Variants in FAM117B observed in about 807,000 individuals in gnomAD.
The protein encoded by FAM117B is family with sequence similarity 117 member B.
A neutral mutation model predicts 52.8 loss-of-function variants in FAM117B; 22 were observed. The observed-to-expected ratio is 0.42, with a 90% confidence interval of 0.30 to 0.59. FAM117B has a LOEUF of 0.59. FAM117B is among the 20% of genes least tolerant of loss of function. The pLI, the probability that FAM117B is intolerant of heterozygous loss-of-function variation, is 0.22. For missense variants in FAM117B, 678 were observed against 802.6 expected, an observed-to-expected ratio of 0.84 and a Z score of 1.88; for synonymous variants, 309 against 324.1, an observed-to-expected ratio of 0.95 and a Z score of 0.50.
intron 2 of FAM117B, among the ~76,000 whole-genome samples, chr2:202,711,700 C>T (rs937924386): frequency 6.6e-6 from 1 of 152,102 alleles, no homozygotes; most frequent in African/African-American, 2.4e-5. Context: ...AATCTTTAAT[C>T]CATTTTGATT....
chr2:202,635,816 G>A, intron 1 of FAM117B, 28 bp downstream of exon 1: 1 of 1,405,948 alleles, frequency 7.1e-7, no homozygotes, highest in South Asian at 1.4e-5. Context: ...CGCAGCAAGG[G>A]GGAGGCGGCT....
chr2:202,743,238 C>G (rs1691576871), intron 4 of FAM117B, among the ~76,000 whole-genome samples: 1 of 152,186 alleles, frequency 6.6e-6, no homozygotes, highest in Non-Finnish European at 1.5e-5. Flanking sequence ...CCACAGCCTT[C>G]ACTGACAACT....
chr2:202,747,467 CAGAA>C (rs1390518785), intron 4 of FAM117B, among the ~76,000 whole-genome samples: 1 of 151,888 alleles, frequency 6.6e-6, no homozygotes, highest in Non-Finnish European at 1.5e-5. Flanking sequence ...AACTGGAAGA[CAGAA>C]AGTCAAATTT....
Position 202,764,427 on chromosome 2 carries a change from A to AT in FAM117B, c.1452-1017dup, listed in dbSNP as rs1475739832. Among the ~76,000 whole-genome samples, 3 of 151,358 alleles carry AT rather than the reference A, an allele frequency of 2.0e-5. No individual in the cohort carries two copies. The East Asian group carries it at 5.9e-4, about 30-fold the overall frequency. ...CTACAGGTGCATGCCGTCAGACTAG[A>AT]TTATTTTTTTTTTTAAGGTTTTTAT... On this transcript the variant is annotated intron_variant, in intron 7 of 7. Coordinates refer to ENST00000392238, the MANE Select transcript of FAM117B (RefSeq NM_173511.4).
chr2:202,757,337 C>G lies in FAM117B; in HGVS notation c.1229C>G (p.Ser410Cys), dbSNP rs1402161758. 6.2e-7 allele frequency: 1 copy of G among 1,614,112 alleles called. No individual in the cohort carries two copies. Among genetic ancestry groups the G allele is most frequent in the Admixed American group, 1.7e-5 (1 of 60,008 alleles). ...AGGGGAAGCAACAACAGCAGCCGTTCCCAGTCCGTGTCCCCAACATCGTTC... is the reference window on the plus strand; with the variant it reads ...AGGGGAAGCAACAACAGCAGCCGTTGCCAGTCCGTGTCCCCAACATCGTTC... ...ADRGSNNSSRSQSVSPTSFLT... is the reference protein window; with the variant it reads ...ADRGSNNSSRCQSVSPTSFLT... Residue 410 changes from serine (S) to cysteine (C), a missense_variant, in exon 6 of 8, where the codon TCC (serine) becomes TGC (cysteine). Physicochemically the swap from Ser to Cys is moderately radical, Grantham distance 112. This residue lies in a region of FAM117B where 583 missense variants were observed against 644.8 expected (regional missense o/e 0.90). Coordinates refer to ENST00000392238, the MANE Select transcript of FAM117B (RefSeq NM_173511.4).
intron 4 of FAM117B, among the ~76,000 whole-genome samples, chr2:202,740,114 A>G (rs928812416): frequency 8.7e-5 from 12 of 137,420 alleles, no homozygotes; most frequent in South Asian, 5.0e-4. Context: ...TGGAGCTTGC[A>G]GTGAGCCAAG....
At chr2:202,708,880 A>G (rs1181045557) in intron 2 of FAM117B, among the ~76,000 whole-genome samples, 1 of 152,148 alleles carries the variant, frequency 6.6e-6, no homozygotes, top group South Asian at 2.1e-4. Flanking sequence ...CACTGAGATT[A>G]TTGGTGTGAG....
intron 2 of FAM117B, among the ~76,000 whole-genome samples, chr2:202,713,367 T>C (rs1393675278): frequency 6.6e-6 from 1 of 152,224 alleles, no homozygotes; most frequent in South Asian, 2.1e-4. Context: ...GTGGTATCAG[T>C]TGTAATATCT....
chr2:202,744,462 C>A (rs542785114), intron 4 of FAM117B, among the ~76,000 whole-genome samples: 123 of 152,288 alleles, frequency 8.1e-4, no homozygotes, highest in Non-Finnish European at 1.3e-3. Flanking sequence ...ATGTCCCAAA[C>A]ACTTCCCGTT....
chr2:202,696,979 G>A (rs888844670), intron 2 of FAM117B, among the ~76,000 whole-genome samples: 14 of 152,152 alleles, frequency 9.2e-5, no homozygotes, highest in Non-Finnish European at 1.3e-4. Flanking sequence ...TGAGGCAGGA[G>A]AATCACTTGA....
intron 4 of FAM117B, among the ~76,000 whole-genome samples, chr2:202,742,525 A>C (rs1210431551): frequency 6.6e-6 from 1 of 152,218 alleles, no homozygotes; most frequent in South Asian, 2.1e-4. Flanking sequence ...ATACAAAAAC[A>C]ACCTCTAAAT....
chr2:202,756,898 A>G (rs1259531977), intron 5 of FAM117B, among the ~76,000 whole-genome samples: 1 of 152,142 alleles, frequency 6.6e-6, no homozygotes, highest in African/African-American at 2.4e-5. Context: ...CCTAGATTTC[A>G]TGGCCCTCAT....
intron 1 of FAM117B, among the ~76,000 whole-genome samples, chr2:202,676,637 CA>C (rs1453199917): frequency 6.6e-6 from 1 of 152,134 alleles, no homozygotes; most frequent in Non-Finnish European, 1.5e-5. Context: ...CTCAGCCTCC[CA>C]AAGTGCTGGG....
At chr2:202,747,178 C>G (rs1255547419) in intron 4 of FAM117B, among the ~76,000 whole-genome samples, 3 of 151,902 alleles carry the variant, frequency 2.0e-5, no homozygotes, top group Non-Finnish European at 4.4e-5. Flanking sequence ...GGACAAAAAC[C>G]AACAATCATT....
Position 202,645,900 on chromosome 2 carries a change from C to T in FAM117B, c.601+10112C>T, listed in dbSNP as rs560808899. Among the ~76,000 whole-genome samples the T allele has an allele frequency of 1.4e-4, 22 of 152,162 alleles. 1 individual carries two copies. The highest frequency in any genetic ancestry group is 6.2e-4 in the South Asian group (3 of 4,808). On this transcript the variant is annotated intron_variant, in intron 1 of 7. Coordinates refer to ENST00000392238, the MANE Select transcript of FAM117B (RefSeq NM_173511.4). The stretch of plus-strand genomic sequence containing the variant: ...GATTACAGGAGTGAGCCACAGCGCC[C>T]GGCCTATCAGATTTATTTTTATCTT...
chr2:202,644,534 G>A (rs1689832167), intron 1 of FAM117B, among the ~76,000 whole-genome samples: 1 of 152,048 alleles, frequency 6.6e-6, no homozygotes, highest in Non-Finnish European at 1.5e-5. Flanking sequence ...AACTTCCCTG[G>A]GAATTCTCTT....
chr2:202,683,935 T>C (rs767704899), intron 1 of FAM117B, among the ~76,000 whole-genome samples: 34 of 151,964 alleles, frequency 2.2e-4, no homozygotes, highest in Non-Finnish European at 4.7e-4. Context: ...GGCGCGATCA[T>C]GGCTCACTGC....
chr2:202,737,805 T>A (rs1206403346), intron 4 of FAM117B, among the ~76,000 whole-genome samples: 2 of 152,162 alleles, frequency 1.3e-5, no homozygotes, highest in African/African-American at 2.4e-5. Context: ...TTTCACTATG[T>A]TGGCCAGGCT....
intron 3 of FAM117B, 67 bp downstream of exon 3, chr2:202,725,076 AT>A: frequency 8.4e-7 from 1 of 1,189,534 alleles, no homozygotes; most frequent in Non-Finnish European, 1.2e-6. Context: ...TTTCCTTGAT[AT>A]TATGGGCAGC....
Sources: allele counts gnomAD v4.1 joint callset (sites outside exome capture counted in the v4.1 genomes callset), GRCh38; gene constraint gnomAD v4.1.1; regional missense constraint gnomAD v4.1.1; transcripts MANE v1.5; gene names NCBI Gene and HGNC (gene_info 2026-07-23, HGNC 2026-07-21).